DAGLB: variants seen among roughly 807,000 people sequenced by gnomAD.
DAGLB encodes the protein diacylglycerol lipase beta.
DAGLB carries 66 observed loss-of-function variants against 72.1 expected under a neutral mutation model. That is an observed-to-expected ratio of 0.92 (90% CI 0.75 to 1.12). The LOEUF (loss-of-function observed/expected upper bound fraction) is 1.12. DAGLB is among the 50% of genes most tolerant of loss of function. The pLI, the probability that DAGLB is intolerant of heterozygous loss-of-function variation, is 0.00. For missense variants in DAGLB, 1,065 were observed against 884.9 expected, an observed-to-expected ratio of 1.20 and a Z score of -2.58; for synonymous variants, 414 against 359.5, an observed-to-expected ratio of 1.15 and a Z score of -1.71.
chr7:6,436,665 A>T, intron 2 of DAGLB, 132 bp from the exon 3 acceptor site: 1 of 1,097,616 alleles, frequency 9.1e-7, no homozygotes, highest in Non-Finnish European at 1.3e-6. Flanking sequence ...TTTTCTACTT[A>T]TAATTGGTAA....
At chr7:6,432,502 G>GA (rs1198037565) in intron 5 of DAGLB, among the ~76,000 whole-genome samples, 3 of 146,832 alleles carry the variant, frequency 2.0e-5, no homozygotes, top group South Asian at 2.2e-4. Flanking sequence ...CTAAAAATAA[G>GA]AAAAAAAATT....
chr7:6,436,089 G>GA (rs59029211), intron 3 of DAGLB, among the ~76,000 whole-genome samples: 1,577 of 109,556 alleles, frequency 0.014, 26 homozygotes, highest in African/African-American at 0.044. Flanking sequence ...AAGAAAAAAA[G>GA]AAAAAAAAAA....
At chr7:6,438,156 G>C (rs1784721726) in intron 2 of DAGLB, among the ~76,000 whole-genome samples, 1 of 150,178 alleles carries the variant, frequency 6.7e-6, no homozygotes, top group South Asian at 2.1e-4. Flanking sequence ...TGAACAATGA[G>C]AACACTTGGA....
Position 6,436,511 on chromosome 7 carries a change from C to T in DAGLB, c.270G>A (p.Pro90=), listed in dbSNP as rs767757791. The T allele has an allele frequency of 5.0e-6, 8 of 1,614,126 alleles. No individual in the cohort carries two copies. The highest frequency in any genetic ancestry group is 1.7e-5 in the Admixed American group (1 of 59,994). The change falls in exon 3 of 15, where the codon CCG becomes CCA. Residue 90 remains proline, a synonymous_variant. Transcript: ENST00000297056. ...SMRGTICNPG[P]RKSMSKLLYI... ...AAAGCAGCTTAGACATAGACTTCCG[C>T]GGTCCAGGGTTACAAATCGTTCCTG...
intron 8 of DAGLB, among the ~76,000 whole-genome samples, chr7:6,424,033 AG>A (rs1784221520): frequency 6.6e-6 from 1 of 151,560 alleles, no homozygotes; most frequent in South Asian, 2.1e-4. Context: ...CCCTGGACTT[AG>A]GGGGGCTACC....
chr7:6,435,817 C>T (rs540577302), intron 3 of DAGLB, among the ~76,000 whole-genome samples: 36 of 152,310 alleles, frequency 2.4e-4, no homozygotes, highest in Non-Finnish European at 4.1e-4. Flanking sequence ...TGCCCCCTGG[C>T]GGTGTGACTC....
chr7:6,429,862 G>A (rs992531527), intron 6 of DAGLB, among the ~76,000 whole-genome samples: 2 of 152,042 alleles, frequency 1.3e-5, no homozygotes, highest in African/African-American at 4.8e-5. Context: ...GGCTAACACG[G>A]TGAAACCCCA....
intron 5 of DAGLB, among the ~76,000 whole-genome samples, chr7:6,431,085 A>G (rs1488505751): frequency 6.6e-6 from 1 of 151,804 alleles, no homozygotes; most frequent in Non-Finnish European, 1.5e-5. Flanking sequence ...CTGACTCCTC[A>G]TTTTATAGGA....
intron 9 of DAGLB, among the ~76,000 whole-genome samples, 159 bp downstream of exon 9, chr7:6,421,568 G>A (rs1784121687): frequency 8.0e-6 from 1 of 124,888 alleles, no homozygotes. Flanking sequence ...CGCAGGCAGC[G>A]CGGGAGGCGC....
In DAGLB at chr7:6,430,523, A is replaced by G; in HGVS notation, c.886T>C (p.Tyr296His). 6.2e-7 allele frequency: 1 copy of G among 1,600,846 alleles called. No individual in the cohort carries two copies. The highest frequency in any genetic ancestry group is 8.5e-7 in the Non-Finnish European group (1 of 1,171,332). ...CACAGCCCCGTGAGGGGGTTTCTGT[A>G]GATGTAGAGGGGCCACCCATAGGCC... ...AAAYGWPLYIYRNPLTGLCRI... is the reference protein window; with the variant it reads ...AAAYGWPLYIHRNPLTGLCRI... Residue 296 changes from tyrosine (Y) to histidine (H), a missense_variant, in exon 6 of 15, where the codon TAC becomes CAC. By Grantham distance (83) the Tyr-to-His change is moderately conservative (BLOSUM62 2). Transcript: ENST00000297056.
chr7:6,425,874 AGTGT>A (rs1426325259), intron 7 of DAGLB, 110 bp downstream of exon 7: 21 of 1,521,806 alleles, frequency 1.4e-5, no homozygotes, highest in Non-Finnish European at 1.7e-5. Context: ...AGGACTTAGA[AGTGT>A]GTTTGTGTGT....
intron 9 of DAGLB, chr7:6,417,156 G>A: frequency 2.0e-6 from 1 of 500,326 alleles, no homozygotes; most frequent in Non-Finnish European, 3.6e-6. Flanking sequence ...AGCACTTAGG[G>A]AGGCCAAGGC....
At chr7:6,430,074 G>C (rs1158377721) in intron 6 of DAGLB, among the ~76,000 whole-genome samples, 1 of 150,866 alleles carries the variant, frequency 6.6e-6, no homozygotes, top group Non-Finnish European at 1.5e-5. Flanking sequence ...GCATGGTGGC[G>C]GGCACCTGTA....
Position 6,433,078 on chromosome 7 carries a change from C to G in DAGLB, c.679-119G>C, listed in dbSNP as rs965948131. The G allele has an allele frequency of 1.7e-5, 24 of 1,418,332 alleles. No individual in the cohort carries two copies. The African/African-American group carries it at 3.5e-4, about 21-fold the overall frequency. 87.9% of individuals were successfully genotyped at this position (1,418,332 alleles called of 1,614,324 possible). A position where few individuals can be genotyped will look rare whatever the true frequency, so the allele number is the denominator to read the frequency against. ...ACGCACACACAGACATTTCTAGACA[C>G]AGAGGTATGTTAAAAAGACTGCTCC... On this transcript the variant is annotated intron_variant, in intron 4 of 14. Coordinates refer to ENST00000297056, the MANE Select transcript of DAGLB (RefSeq NM_139179.4).
intron 13 of DAGLB, 107 bp from the exon 14 acceptor site, chr7:6,410,487 G>T: frequency 6.8e-7 from 1 of 1,473,362 alleles, no homozygotes; most frequent in South Asian, 1.4e-5. Flanking sequence ...CTTTGACCCA[G>T]AAACCCCGCT....
intron 13 of DAGLB, among the ~76,000 whole-genome samples, chr7:6,410,880 A>ATTTTTTT (rs35960882): frequency 7.1e-5 from 7 of 98,232 alleles, no homozygotes; most frequent in Non-Finnish European, 1.3e-4. Context: ...AATTTTTTGT[A>ATTTTTTT]TTTTTTTTTT....
At chr7:6,419,602 C>A (rs909742668) in intron 9 of DAGLB, among the ~76,000 whole-genome samples, 1 of 152,216 alleles carries the variant, frequency 6.6e-6, no homozygotes, top group African/African-American at 2.4e-5. Context: ...GAGCGGCAGC[C>A]TTCCCGACCC....
chr7:6,445,146 T>C (rs564522863), intron 2 of DAGLB, among the ~76,000 whole-genome samples: 3 of 152,182 alleles, frequency 2.0e-5, no homozygotes, highest in South Asian at 2.1e-4. Flanking sequence ...TCAAGAGAAA[T>C]GAAAACATGT....
chr7:6,413,855 G>A (rs756961053), intron 11 of DAGLB, among the ~76,000 whole-genome samples: 4 of 152,164 alleles, frequency 2.6e-5, no homozygotes, highest in Non-Finnish European at 4.4e-5. Flanking sequence ...AGGACATGCG[G>A]TGAAAGTGAA....
Sources: gnomAD v4.1 joint callset for allele counts (sites outside exome capture counted in the v4.1 genomes callset) on GRCh38, gnomAD v4.1.1 for gene constraint, MANE v1.5 for transcripts, NCBI Gene and HGNC (gene_info 2026-07-23, HGNC 2026-07-21) for gene names.